Variants in FOXP1 observed in about 807,000 individuals in gnomAD.
The protein encoded by FOXP1 is forkhead box P1.
A neutral mutation model predicts 98.2 loss-of-function variants in FOXP1; 15 were observed. The ratio of observed to expected loss-of-function variants is 0.15; its 90% confidence interval spans 0.10 to 0.24. FOXP1 has a LOEUF of 0.24. Ranked by LOEUF, FOXP1 falls within the 10% of genes least tolerant of loss-of-function variation. FOXP1 has a pLI of 1.00. For missense variants in FOXP1, 633 were observed against 848.5 expected, an observed-to-expected ratio of 0.75 and a Z score of 3.15; for synonymous variants, 371 against 314.5, an observed-to-expected ratio of 1.18 and a Z score of -1.90.
intron 18 of FOXP1, 98 bp from the exon 19 acceptor site, chr3:70,970,903 A>G: frequency 1.1e-6 from 1 of 911,446 alleles, no homozygotes; most frequent in South Asian, 1.3e-5. Context: ...CTTCCAAATG[A>G]GCAATTTCCC....
chr3:70,963,357 G>T (rs1214856707), intron 20 of FOXP1, among the ~76,000 whole-genome samples: 2 of 152,222 alleles, frequency 1.3e-5, no homozygotes, highest in East Asian at 3.8e-4. Context: ...TACCCCTGGG[G>T]TGTGGCAAAC....
At chr3:71,510,701 C>T (rs1459100379) in intron 2 of FOXP1, among the ~76,000 whole-genome samples, 2 of 152,218 alleles carry the variant, frequency 1.3e-5, no homozygotes, top group Admixed American at 1.3e-4. Flanking sequence ...CAACTAAGCT[C>T]TGTCCAATCG....
At chr3:71,398,620 T>C (rs571208608) in intron 3 of FOXP1, among the ~76,000 whole-genome samples, 12 of 152,298 alleles carry the variant, frequency 7.9e-5, no homozygotes, top group Non-Finnish European at 8.8e-5. Flanking sequence ...CAGAGTGATT[T>C]TGCTCCCATT....
At chr3:71,075,471 C>T (rs1284555691) in intron 7 of FOXP1, among the ~76,000 whole-genome samples, 2 of 152,030 alleles carry the variant, frequency 1.3e-5, no homozygotes, top group Non-Finnish European at 2.9e-5. Flanking sequence ...ACTGTTGATC[C>T]TCACTCCAAA....
chr3:71,481,581 A>G (rs2090278889), intron 3 of FOXP1, among the ~76,000 whole-genome samples: 1 of 152,128 alleles, frequency 6.6e-6, no homozygotes, highest in Non-Finnish European at 1.5e-5. Context: ...AAATCATGAT[A>G]TTTGCATCTT....
At chr3:71,167,200 G>A (rs72951381) in intron 6 of FOXP1, among the ~76,000 whole-genome samples, 3,502 of 152,244 alleles carry the variant, frequency 0.023, 144 homozygotes, top group African/African-American at 0.08. Context: ...AGAGCCTGGA[G>A]AAGCCCGGCT....
chr3:71,395,322 G>C (rs947712884), intron 3 of FOXP1, among the ~76,000 whole-genome samples: 2 of 149,560 alleles, frequency 1.3e-5, no homozygotes, highest in African/African-American at 4.9e-5. Flanking sequence ...GCCCCAACTA[G>C]TTCTGCTGCC....
intron 11 of FOXP1, among the ~76,000 whole-genome samples, chr3:71,020,617 G>C (rs1340971329): frequency 1.2e-4 from 19 of 152,156 alleles, no homozygotes; most frequent in Admixed American, 1.2e-3. Context: ...AACTAAGAGG[G>C]AAGAATTTCT....
rs149124103 is a variant in FOXP1, at chr3:71,214,726, C to G, written c.-11-16334G>C. On this transcript the variant is annotated intron_variant, in intron 5 of 20. Coordinates refer to ENST00000649528, the MANE Select transcript of FOXP1 (RefSeq NM_001349338.3). Reference sequence around the variant, plus strand: ...ATCAAAGATCACAGCCATTGTTGATCACGTTCTCCCCCAAAAGAGAGAGAG... The same window carrying G: ...ATCAAAGATCACAGCCATTGTTGATGACGTTCTCCCCCAAAAGAGAGAGAG... Among the ~76,000 whole-genome samples the G allele has an allele frequency of 1.4e-4, 22 of 152,256 alleles. No homozygotes were observed. The East Asian group carries it at 4.2e-3, about 29-fold the overall frequency.
At chr3:71,071,522 G>T (rs1383850262) in intron 7 of FOXP1, among the ~76,000 whole-genome samples, 1 of 152,130 alleles carries the variant, frequency 6.6e-6, no homozygotes, top group Non-Finnish European at 1.5e-5. Context: ...ACCTCTCTGC[G>T]CCTGCACATT....
chr3:70,966,083 G>A (rs2034701901), intron 19 of FOXP1, 27 bp from the exon 20 acceptor site: 3 of 1,600,890 alleles, frequency 1.9e-6, no homozygotes, highest in Non-Finnish European at 8.6e-7. Flanking sequence ...GAAAATTTAT[G>A]AAGACACAGG....
At chr3:71,011,506 C>CAAT (rs2043624437) in intron 12 of FOXP1, among the ~76,000 whole-genome samples, 1 of 152,180 alleles carries the variant, frequency 6.6e-6, no homozygotes. Context: ...AATGGACAAT[C>CAAT]AATACTCCAA....
At chr3:71,432,928 T>TA (rs1304619131) in intron 3 of FOXP1, among the ~76,000 whole-genome samples, 13 of 150,260 alleles carry the variant, frequency 8.7e-5, no homozygotes, top group Non-Finnish European at 1.6e-4. Context: ...TCCAAGGATA[T>TA]ACCAGAGTCT....
At chr3:71,030,212 T>C (rs1287298148) in intron 11 of FOXP1, among the ~76,000 whole-genome samples, 1 of 152,194 alleles carries the variant, frequency 6.6e-6, no homozygotes, top group East Asian at 1.9e-4. Context: ...ATAATCATGT[T>C]GGGTTCTGAT....
chr3:71,015,639 T>C lies in FOXP1; in HGVS notation c.884A>G (p.Glu295Gly). 6.2e-7 allele frequency: 1 copy of C among 1,610,408 alleles called. No homozygotes were observed. Among genetic ancestry groups the C allele is most frequent in the Non-Finnish European group, 8.5e-7 (1 of 1,176,902 alleles). ...TPKRESLSHE[E>G]HPHSHPLYGH... ...ATAGAGAGGATGGCTATGGGGGTGC[T>C]CCTCATGGGACAAACTGAAAGAAAA... Residue 295 changes from glutamate to glycine, a missense_variant, in exon 12 of 21, where the codon GAG becomes GGG. Transcript: ENST00000649528.
rs915240054 is a variant in FOXP1, at chr3:71,046,790, A to G, written c.664+152T>C. 63 of 960,296 alleles carry G rather than the reference A, an allele frequency of 6.6e-5. 1 individual carries two copies. The highest frequency in any genetic ancestry group is 2.1e-4 in the Admixed American group (12 of 57,238). 59.5% of individuals were successfully genotyped at this position (960,296 alleles called of 1,614,324 possible). A position where few individuals can be genotyped will look rare whatever the true frequency, so the allele number is the denominator to read the frequency against. On this transcript the variant is annotated intron_variant, in intron 10 of 20. Transcript: ENST00000649528. The stretch of plus-strand genomic sequence containing the variant: ...CATCAACAAGCATTTCACCTTCTAC[A>G]TGGGTCCATCATTATCCCACTCCAC...
chr3:71,140,322 T>G (rs1324662555), intron 6 of FOXP1, among the ~76,000 whole-genome samples: 1 of 152,204 alleles, frequency 6.6e-6, no homozygotes, highest in Non-Finnish European at 1.5e-5. Context: ...AACAAAGATT[T>G]GATCGCATTT....
chr3:71,158,083 A>AAGGAAGGAAGGAGGGAAGGAGG (rs1391195041), intron 6 of FOXP1, among the ~76,000 whole-genome samples: 1 of 42,110 alleles, frequency 2.4e-5, no homozygotes, highest in Non-Finnish European at 4.3e-5. Flanking sequence ...GTAAGACGAA[A>AAGGAAGGAAGGAGGGAAGGAGG]GAAGGAAGGA....
intron 2 of FOXP1, among the ~76,000 whole-genome samples, chr3:71,532,594 A>G (rs1160286075): frequency 6.6e-6 from 1 of 152,162 alleles, no homozygotes; most frequent in Admixed American, 6.5e-5. Flanking sequence ...AAATTTTTAA[A>G]ATAACTTATT....
Sources: gnomAD v4.1 joint callset for allele counts (sites outside exome capture counted in the v4.1 genomes callset) on GRCh38, gnomAD v4.1.1 for gene constraint, MANE v1.5 for transcripts, NCBI Gene and HGNC (gene_info 2026-07-23, HGNC 2026-07-21) for gene names.